The following SORCS1 variants were observed in gnomAD, a reference collection of about 807,000 sequenced individuals.
SORCS1 encodes the protein sortilin related VPS10 domain containing receptor 1.
SORCS1 carries 60 observed loss-of-function variants against 146.1 expected under a neutral mutation model. That is an observed-to-expected ratio of 0.41 (90% confidence interval 0.33 to 0.51). SORCS1 has a LOEUF of 0.51. SORCS1 is among the 20% of genes least tolerant of loss of function. SORCS1 has a pLI of 0.21. For synonymous variants in SORCS1, 637 were observed against 584.0 expected, an observed-to-expected ratio of 1.09 and a Z score of -1.31; for missense variants, 1,352 against 1,487.6, an observed-to-expected ratio of 0.91 and a Z score of 1.50.
intron 3 of SORCS1, among the ~76,000 whole-genome samples, chr10:106,801,737 A>C (rs201463732): frequency 2.6e-5 from 4 of 152,078 alleles, no homozygotes; most frequent in Non-Finnish European, 4.4e-5. Flanking sequence ...TCACTGTGTT[A>C]GCCAGGACGG....
chr10:106,670,325 C>G (rs1161761484), intron 16 of SORCS1, among the ~76,000 whole-genome samples: 1 of 152,214 alleles, frequency 6.6e-6, no homozygotes, highest in Non-Finnish European at 1.5e-5. Flanking sequence ...GACTTTATGG[C>G]ACTCTGAGTT....
At chr10:106,600,649 C>T (rs2133339504) in intron 23 of SORCS1, 2 of 985,364 alleles carry the variant, frequency 2.0e-6, no homozygotes, top group Non-Finnish European at 2.4e-6. Flanking sequence ...AAGTTGCTTG[C>T]TTCTTACTAT....
intron 6 of SORCS1, among the ~76,000 whole-genome samples, chr10:106,725,134 C>T (rs1856057101): frequency 6.6e-6 from 1 of 151,788 alleles, no homozygotes; most frequent in Non-Finnish European, 1.5e-5. Flanking sequence ...AGAGAGACTT[C>T]ATCTCAAAAC....
chr10:106,718,667 T>C (rs1855560933), intron 6 of SORCS1, among the ~76,000 whole-genome samples: 2 of 152,212 alleles, frequency 1.3e-5, no homozygotes, highest in African/African-American at 4.8e-5. Context: ...CCAGCTTTTA[T>C]TCCCTTATTT....
chr10:106,934,182 T>C (rs1262994120), intron 2 of SORCS1, among the ~76,000 whole-genome samples: 2 of 151,728 alleles, frequency 1.3e-5, no homozygotes, highest in African/African-American at 4.8e-5. Context: ...AAAGGAAACG[T>C]TTATACACTG....
chr10:106,955,385 G>A (rs916029925), intron 2 of SORCS1, among the ~76,000 whole-genome samples: 2 of 152,222 alleles, frequency 1.3e-5, no homozygotes, highest in African/African-American at 4.8e-5. Context: ...CACAGCAGCT[G>A]GCGCACCTGG....
chr10:106,901,998 T>C (rs35169742), intron 2 of SORCS1, among the ~76,000 whole-genome samples: 73,050 of 151,506 alleles, frequency 0.48, 18,386 homozygotes, highest in African/African-American at 0.62. Context: ...AAGCAGAGAT[T>C]GCGCCACTGC....
At chr10:106,812,029 C>T (rs1159998265) in intron 3 of SORCS1, among the ~76,000 whole-genome samples, 1 of 152,104 alleles carries the variant, frequency 6.6e-6, no homozygotes, top group East Asian at 1.9e-4. Flanking sequence ...GAGATGGAGT[C>T]TAGCTCTGTC....
At chr10:106,676,518 G>T (rs1251839447) in intron 13 of SORCS1, among the ~76,000 whole-genome samples, 2 of 152,188 alleles carry the variant, frequency 1.3e-5, no homozygotes, top group African/African-American at 4.8e-5. Context: ...CATGAACATT[G>T]TTCTACCTGT....
intron 2 of SORCS1, among the ~76,000 whole-genome samples, chr10:106,844,046 CTTG>C (rs1308402199): frequency 1.3e-5 from 2 of 152,184 alleles, no homozygotes; most frequent in African/African-American, 2.4e-5. Flanking sequence ...CTCCACATCA[CTTG>C]TTATCTTTTG....
intron 2 of SORCS1, among the ~76,000 whole-genome samples, chr10:106,877,780 T>C (rs1950646447): frequency 6.6e-6 from 1 of 152,156 alleles, no homozygotes; most frequent in South Asian, 2.1e-4. Flanking sequence ...AGAACCGTAT[T>C]CTGGTTCTGT....
At chr10:106,699,151 G>T in intron 9 of SORCS1, 63 bp downstream of exon 9, 1 of 1,431,312 alleles carries the variant, frequency 7.0e-7, no homozygotes. Context: ...GAGTCCATGC[G>T]GGGCTTCCAT....
At chr10:107,050,236 T>C (rs1371470451) in intron 1 of SORCS1, among the ~76,000 whole-genome samples, 1 of 152,214 alleles carries the variant, frequency 6.6e-6, no homozygotes, top group African/African-American at 2.4e-5. Flanking sequence ...ATGGTTAGAT[T>C]TCTTTCTCTT....
intron 1 of SORCS1, among the ~76,000 whole-genome samples, chr10:107,021,012 C>G (rs1589948271): frequency 6.6e-6 from 1 of 152,046 alleles, no homozygotes. Context: ...GAAAGTCTTG[C>G]TATTTATTGA....
intron 7 of SORCS1, among the ~76,000 whole-genome samples, chr10:106,707,525 A>T (rs1412431398): frequency 3.3e-5 from 5 of 151,962 alleles, no homozygotes; most frequent in Non-Finnish European, 7.4e-5. Flanking sequence ...TTTAAAGCTA[A>T]ATCTCACTCT....
At chr10:107,075,265 A>G (rs1962777377) in intron 1 of SORCS1, among the ~76,000 whole-genome samples, 2 of 152,184 alleles carry the variant, frequency 1.3e-5, no homozygotes, top group South Asian at 4.1e-4. Context: ...TCATTTGCTT[A>G]TTAGAAAACA....
At chr10:106,646,539 T>C (rs1167516986) in intron 18 of SORCS1, among the ~76,000 whole-genome samples, 1 of 151,788 alleles carries the variant, frequency 6.6e-6, no homozygotes, top group Admixed American at 6.6e-5. Flanking sequence ...CTACTAAAAA[T>C]ACAAAAATTA....
intron 1 of SORCS1, among the ~76,000 whole-genome samples, chr10:107,140,360 A>G (rs940189730): frequency 6.6e-6 from 1 of 152,208 alleles, no homozygotes; most frequent in Non-Finnish European, 1.5e-5. Context: ...TTCTAATTTC[A>G]TGACATGTGC....
intron 4 of SORCS1, among the ~76,000 whole-genome samples, chr10:106,772,826 A>G (rs1375093879): frequency 6.6e-6 from 1 of 152,104 alleles, no homozygotes; most frequent in Non-Finnish European, 1.5e-5. Flanking sequence ...TAGGCACCCA[A>G]AATGAAACAC....
Sources: allele counts gnomAD v4.1 joint callset (sites outside exome capture counted in the v4.1 genomes callset), GRCh38; gene constraint gnomAD v4.1.1; transcripts MANE v1.5; gene names NCBI Gene and HGNC (gene_info 2026-07-23, HGNC 2026-07-21).